SLC1A3: variants seen among roughly 807,000 people sequenced by gnomAD.
SLC1A3 encodes the protein solute carrier family 1 member 3.
A neutral mutation model predicts 48.1 loss-of-function variants in SLC1A3; 21 were observed. The observed-to-expected ratio is 0.44, with a 90% CI of 0.31 to 0.63. The LOEUF (loss-of-function observed/expected upper bound fraction) is 0.63, where lower values mean the gene tolerates loss of function less well. Among genes scored for constraint, SLC1A3 ranks in the 20% least tolerant of loss-of-function variants. The pLI, the probability that SLC1A3 is intolerant of heterozygous loss-of-function variation, is 0.08. For synonymous variants in SLC1A3, 239 were observed against 251.4 expected, an observed-to-expected ratio of 0.95 and a Z score of 0.47; for missense variants, 546 against 689.0, an observed-to-expected ratio of 0.79 and a Z score of 2.32.
At chr5:36,598,871 G>C (rs566664716) in intron 1 of SLC1A3, among the ~76,000 whole-genome samples, 1 of 152,124 alleles carries the variant, frequency 6.6e-6, no homozygotes, top group Non-Finnish European at 1.5e-5. Context: ...CAAGCAGTCC[G>C]CCAACCTTGG....
At chr5:36,665,032 G>T (rs975209761) in intron 3 of SLC1A3, among the ~76,000 whole-genome samples, 1 of 149,326 alleles carries the variant, frequency 6.7e-6, no homozygotes, top group African/African-American at 2.5e-5. Flanking sequence ...TCCGGGTGCC[G>T]CTGGGTTTGC....
Position 36,669,508 on chromosome 5 carries a change from A to G in SLC1A3, c.320-1521A>G, listed in dbSNP as rs541567515. The G allele has an allele frequency of 5.9e-5, 9 of 152,348 alleles. No individual in the cohort carries two copies. In the East Asian group the frequency reaches 9.6e-4, roughly 16 times the overall value. 9.4% of individuals were successfully genotyped at this position (152,348 alleles called of 1,614,324 possible). A position where few individuals can be genotyped will look rare whatever the true frequency, so the allele number is the denominator to read the frequency against. ...CAGAAAGTACACTGAACCTAGTTAC[A>G]TAAGACCCGAGTTCAAGTTCCCACT... On this transcript the variant is annotated intron_variant, in intron 3 of 9. Coordinates refer to ENST00000265113, the MANE Select transcript of SLC1A3 (RefSeq NM_004172.5).
At chr5:36,677,779 A>G (rs1477941625) in intron 6 of SLC1A3, among the ~76,000 whole-genome samples, 3 of 152,232 alleles carry the variant, frequency 2.0e-5, no homozygotes, top group Admixed American at 2.0e-4. Context: ...CCAAAGTGCC[A>G]GAAGAAGGGT....
intron 3 of SLC1A3, among the ~76,000 whole-genome samples, chr5:36,641,861 A>G (rs748399851): frequency 3.3e-5 from 5 of 152,218 alleles, no homozygotes; most frequent in Non-Finnish European, 7.3e-5. Context: ...TGTGAAATAT[A>G]ACTCCTATGC....
chr5:36,635,082 C>A (rs1426842727), intron 3 of SLC1A3, among the ~76,000 whole-genome samples: 2 of 151,708 alleles, frequency 1.3e-5, no homozygotes, highest in Non-Finnish European at 2.9e-5. Context: ...ATGTCTGAGG[C>A]CTGTTTGAAT....
At chr5:36,678,883 T>C (rs1430991499) in intron 6 of SLC1A3, among the ~76,000 whole-genome samples, 2 of 152,214 alleles carry the variant, frequency 1.3e-5, no homozygotes, top group Admixed American at 6.5e-5. Flanking sequence ...ATTATTAAGT[T>C]TAATAATGAA....
chr5:36,597,218 ACTT>A (rs953026180), intron 1 of SLC1A3, among the ~76,000 whole-genome samples: 7 of 122,942 alleles, frequency 5.7e-5, no homozygotes, highest in Middle Eastern at 0.012. Context: ...CACACCGAAA[ACTT>A]CTTCTTCCTT....
intron 2 of SLC1A3, among the ~76,000 whole-genome samples, chr5:36,628,046 A>C (rs1864214): frequency 0.64 from 97,417 of 152,026 alleles, 31,551 homozygotes; most frequent in Admixed American, 0.72. Flanking sequence ...AGTGATACAA[A>C]CAATATGGGC....
intron 2 of SLC1A3, among the ~76,000 whole-genome samples, chr5:36,619,869 C>A (rs1465883484): frequency 6.6e-6 from 1 of 152,200 alleles, no homozygotes; most frequent in African/African-American, 2.4e-5. Flanking sequence ...GTTTAGAATT[C>A]ATTAACAGAA....
chr5:36,647,800 A>G (rs1740896186), intron 3 of SLC1A3, among the ~76,000 whole-genome samples: 3 of 152,222 alleles, frequency 2.0e-5, no homozygotes, highest in African/African-American at 4.8e-5. Flanking sequence ...TTGCCATTGA[A>G]AACTGTTTTT....
At chr5:36,596,993 C>T (rs1273419814) in intron 1 of SLC1A3, among the ~76,000 whole-genome samples, 1 of 152,060 alleles carries the variant, frequency 6.6e-6, no homozygotes, top group African/African-American at 2.4e-5. Flanking sequence ...ATCTGTGTCA[C>T]ATTTGGATGT....
At chr5:36,602,850 T>TA (rs1336188726), upstream of SLC1A3, among the ~76,000 whole-genome samples, 1 of 152,190 alleles carries the variant, frequency 6.6e-6, no homozygotes, top group African/African-American at 2.4e-5. Context: ...CACATGCTGA[T>TA]AACTAACTTG....
At chr5:36,626,644 T>C (rs12188287) in intron 2 of SLC1A3, among the ~76,000 whole-genome samples, 13,400 of 152,298 alleles carry the variant, frequency 0.088, 790 homozygotes, top group East Asian at 0.22. Flanking sequence ...AGACACATCA[T>C]CAATTCCAGT....
chr5:36,613,979 G>C (rs1739322038), intron 2 of SLC1A3, among the ~76,000 whole-genome samples: 1 of 152,170 alleles, frequency 6.6e-6, no homozygotes, highest in South Asian at 2.1e-4. Context: ...TTCTCCAAAA[G>C]CACTCCAGGC....
chr5:36,639,605 A>G (rs923699401), intron 3 of SLC1A3, among the ~76,000 whole-genome samples: 1 of 152,230 alleles, frequency 6.6e-6, no homozygotes, highest in Non-Finnish European at 1.5e-5. Flanking sequence ...AGCACCAAGC[A>G]TGTGCATGTA....
chr5:36,619,741 T>C (rs987511491), intron 2 of SLC1A3, among the ~76,000 whole-genome samples: 1 of 152,192 alleles, frequency 6.6e-6, no homozygotes, highest in Non-Finnish European at 1.5e-5. Context: ...ATTCCTGAAA[T>C]AGAAATTTTT....
chr5:36,625,211 A>G (rs945157811), intron 2 of SLC1A3, among the ~76,000 whole-genome samples: 1 of 152,252 alleles, frequency 6.6e-6, no homozygotes, highest in African/African-American at 2.4e-5. Flanking sequence ...TAATCCTAGC[A>G]CTTCGGGAAG....
At position 36,677,199 on chromosome 5, in the gene SLC1A3, T is replaced by A. The variant is rs1742249573; in HGVS notation, c.860+15T>A. The A allele has an allele frequency of 6.2e-7, 1 of 1,603,534 alleles. No individual in the cohort carries two copies. Among genetic ancestry groups the A allele is most frequent in the Non-Finnish European group, 8.5e-7 (1 of 1,170,382 alleles). On this transcript the variant is annotated intron_variant, in intron 6 of 9. Transcript: ENST00000265113. The stretch of plus-strand genomic sequence containing the variant: ...GTAATAATGTGGTATGTATTTCCAT[T>A]TTCTATATATGTTATATACGAGATG...
intron 3 of SLC1A3, among the ~76,000 whole-genome samples, chr5:36,634,580 C>T (rs943772293): frequency 1.1e-4 from 16 of 152,142 alleles, no homozygotes; most frequent in African/African-American, 3.9e-4. Context: ...AAGACAAGAG[C>T]TCTTTGGAAC....
Sources: gnomAD v4.1 joint callset for allele counts (sites outside exome capture counted in the v4.1 genomes callset) on GRCh38, gnomAD v4.1.1 for gene constraint, MANE v1.5 for transcripts, NCBI Gene and HGNC (gene_info 2026-07-23, HGNC 2026-07-21) for gene names.